PARM1: variants seen among roughly 807,000 people sequenced by gnomAD.
The protein encoded by PARM1 is WSC4, cell wall integrity and stress response component 4 homolog.
A neutral mutation model predicts 24.6 loss-of-function variants in PARM1; 14 were observed. That is an observed-to-expected ratio of 0.57 (90% CI 0.38 to 0.89). The LOEUF (loss-of-function observed/expected upper bound fraction) is 0.89. PARM1 is among the 40% of genes least tolerant of loss of function. PARM1 has a pLI of 0.00. For missense variants in PARM1, 362 were observed against 380.4 expected, an observed-to-expected ratio of 0.95 and a Z score of 0.40; for synonymous variants, 179 against 156.6, an observed-to-expected ratio of 1.14 and a Z score of -1.07.
chr4:74,949,604 G>A (rs1172643177), intron 1 of PARM1, among the ~76,000 whole-genome samples: 2 of 152,158 alleles, frequency 1.3e-5, no homozygotes, highest in Non-Finnish European at 2.9e-5. Flanking sequence ...GAGCCACTGC[G>A]CCCAGCCTAT....
chr4:75,016,058 A>G (rs1265711151), intron 2 of PARM1, among the ~76,000 whole-genome samples: 1 of 152,182 alleles, frequency 6.6e-6, no homozygotes, highest in Non-Finnish European at 1.5e-5. Context: ...ACAAATATCT[A>G]AACACAGTCA....
At position 75,046,820 on chromosome 4, in the gene PARM1, A is replaced by G. The variant is rs1560397491; in HGVS notation, c.*573A>G. On this transcript the variant is annotated 3_prime_UTR_variant, in exon 4 of 4. Transcript: ENST00000307428. ...AAGCAGCTTCTTAGCTGCCTAATTA[A>G]TGAAAGATGAAAATAGGAAGTGCCC... is the stretch of plus-strand genomic sequence containing the variant. 1 of 152,626 alleles carries G rather than the reference A, an allele frequency of 6.6e-6. No homozygotes were observed. Among genetic ancestry groups the G allele is most frequent in the Non-Finnish European group, 1.5e-5 (1 of 68,408 alleles). The allele number at this position is 152,626 out of a possible 1,614,324, so 9.5% of individuals were successfully genotyped here.
chr4:75,022,894 G>A (rs1275821575), intron 2 of PARM1, among the ~76,000 whole-genome samples: 3 of 152,152 alleles, frequency 2.0e-5, no homozygotes, highest in Non-Finnish European at 4.4e-5. Flanking sequence ...ATTGCATTAG[G>A]AGTGCATATA....
At chr4:75,013,631 A>T (rs1282577416) in intron 2 of PARM1, among the ~76,000 whole-genome samples, 1 of 152,232 alleles carries the variant, frequency 6.6e-6, no homozygotes, top group Non-Finnish European at 1.5e-5. Flanking sequence ...TGCTCAGGAA[A>T]TGTCATTTGT....
intron 3 of PARM1, among the ~76,000 whole-genome samples, chr4:75,040,665 A>G (rs532257463): frequency 6.6e-5 from 10 of 152,218 alleles, no homozygotes; most frequent in Non-Finnish European, 1.3e-4. Context: ...AATGTACCAC[A>G]ATTATGTATC....
chr4:75,007,847 G>A (rs1722801312), intron 1 of PARM1, among the ~76,000 whole-genome samples: 2 of 152,184 alleles, frequency 1.3e-5, no homozygotes, highest in Non-Finnish European at 2.9e-5. Context: ...TCACTCGCAT[G>A]CCATGTGAGG....
intron 1 of PARM1, among the ~76,000 whole-genome samples, chr4:74,973,951 G>A (rs911210345): frequency 1.5e-4 from 23 of 152,154 alleles, no homozygotes; most frequent in African/African-American, 4.6e-4. Flanking sequence ...TGATTACAGT[G>A]GCTGGGAAGT....
chr4:75,026,610 A>T (rs1723186858), intron 2 of PARM1, among the ~76,000 whole-genome samples: 1 of 152,098 alleles, frequency 6.6e-6, no homozygotes, highest in South Asian at 2.1e-4. Context: ...TGCTCCCCAA[A>T]CTATCAAGCC....
intron 1 of PARM1, among the ~76,000 whole-genome samples, chr4:74,996,312 G>A (rs1722575665): frequency 6.6e-6 from 1 of 152,130 alleles, no homozygotes; most frequent in Non-Finnish European, 1.5e-5. Context: ...CCAACAATTA[G>A]CATGGTACCT....
At chr4:75,037,948 G>A (rs191400495) in intron 3 of PARM1, among the ~76,000 whole-genome samples, 48 of 151,732 alleles carry the variant, frequency 3.2e-4, no homozygotes, top group African/African-American at 9.7e-4. Context: ...TCGAAGTCTC[G>A]CTCTGTCACC....
Position 74,989,498 on chromosome 4 carries a change from T to C in PARM1, c.44-22927T>C, listed in dbSNP as rs181725169. ...AAGGTATGTAGGAAGGGATGTGGAG[T>C]TTCCATGCCCTCTCTGGCAGCCACC... On this transcript the variant is annotated intron_variant, in intron 1 of 3. Transcript: ENST00000307428. Among the ~76,000 whole-genome samples, 506 of 151,880 alleles carry C rather than the reference T, an allele frequency of 3.3e-3. 5 individuals carry two copies. Among genetic ancestry groups the C allele is most frequent in the African/African-American group, 0.011 (471 of 41,416 alleles).
At chr4:75,006,298 C>T (rs1039281903) in intron 1 of PARM1, among the ~76,000 whole-genome samples, 1 of 142,522 alleles carries the variant, frequency 7.0e-6, no homozygotes, top group Non-Finnish European at 1.5e-5. Context: ...CCCCCTCCCC[C>T]CACCCTACGG....
chr4:75,025,620 G>A (rs755772819), intron 2 of PARM1, among the ~76,000 whole-genome samples: 2 of 152,120 alleles, frequency 1.3e-5, no homozygotes, highest in Admixed American at 6.5e-5. Flanking sequence ...GCAAATGTGC[G>A]CTCCCCAGGT....
intron 1 of PARM1, among the ~76,000 whole-genome samples, chr4:74,944,679 C>T (rs534556099): frequency 2.6e-5 from 4 of 152,254 alleles, no homozygotes; most frequent in East Asian, 1.9e-4. Flanking sequence ...CAAAGACAAG[C>T]GTGGCTGCTC....
intron 2 of PARM1, among the ~76,000 whole-genome samples, chr4:75,022,199 A>G (rs986410573): frequency 2.0e-5 from 3 of 152,188 alleles, no homozygotes; most frequent in Non-Finnish European, 2.9e-5. Flanking sequence ...CATTTCTCTA[A>G]TGATTAGTGG....
At chr4:74,956,559 C>G (rs574175166) in intron 1 of PARM1, 10 of 152,184 alleles carry the variant, frequency 6.6e-5, no homozygotes, top group Non-Finnish European at 1.3e-4. Context: ...ATGCAGCTTA[C>G]AACTTTTCAC....
At chr4:74,936,513 G>A (rs1721191450) in intron 1 of PARM1, among the ~76,000 whole-genome samples, 1 of 150,282 alleles carries the variant, frequency 6.7e-6, no homozygotes, top group African/African-American at 2.4e-5. Context: ...GAGTGCAGTG[G>A]CGCGATCTCA....
At chr4:74,973,015 A>G (rs573373519) in intron 1 of PARM1, among the ~76,000 whole-genome samples, 1 of 152,292 alleles carries the variant, frequency 6.6e-6, no homozygotes, top group South Asian at 2.1e-4. Context: ...CCTCACTTAC[A>G]CATAATGAGT....
chr4:74,948,432 C>T (rs1721447744), intron 1 of PARM1, among the ~76,000 whole-genome samples: 1 of 152,212 alleles, frequency 6.6e-6, no homozygotes, highest in African/African-American at 2.4e-5. Flanking sequence ...TTTATGATCT[C>T]TGAGAGAAGT....
Sources: allele counts gnomAD v4.1 joint callset (sites outside exome capture counted in the v4.1 genomes callset), GRCh38; gene constraint gnomAD v4.1.1; transcripts MANE v1.5; gene names NCBI Gene and HGNC (gene_info 2026-07-23, HGNC 2026-07-21).